Variants in PTPN14 observed in about 807,000 individuals in gnomAD.
PTPN14 encodes the protein tyrosine-protein phosphatase non-receptor type 14.
A neutral mutation model predicts 126.8 loss-of-function variants in PTPN14; 53 were observed. That is an observed-to-expected ratio of 0.42 (90% CI 0.34 to 0.53). The LOEUF (loss-of-function observed/expected upper bound fraction) is 0.53, where lower values mean the gene tolerates loss of function less well. Among genes scored for constraint, PTPN14 ranks in the 20% least tolerant of loss-of-function variants. PTPN14 has a pLI of 0.08. For missense variants in PTPN14, 1,257 were observed against 1,552.9 expected (o/e 0.81, Z 3.20); for synonymous variants, 630 against 599.3 (o/e 1.05, Z -0.75).
intron 3 of PTPN14, among the ~76,000 whole-genome samples, chr1:214,443,578 G>A (rs1660080095): frequency 6.6e-6 from 1 of 152,014 alleles, no homozygotes; most frequent in Non-Finnish European, 1.5e-5. Context: ...AACAAGCAGA[G>A]GTGAACGAAC....
chr1:214,533,024 C>G, intron 1 of PTPN14: 1 of 751,820 alleles, frequency 1.3e-6, no homozygotes, highest in Admixed American at 1.7e-5. Flanking sequence ...ACAGTGGTCA[C>G]CACCCAGTCC....
chr1:214,523,631 A>G (rs995580928), intron 1 of PTPN14, among the ~76,000 whole-genome samples: 4 of 152,120 alleles, frequency 2.6e-5, no homozygotes, highest in African/African-American at 9.7e-5. Flanking sequence ...TTGTTAAGCA[A>G]CCACAGATTT....
At chr1:214,380,878 C>G (rs1322355197) in intron 13 of PTPN14, among the ~76,000 whole-genome samples, 1 of 152,156 alleles carries the variant, frequency 6.6e-6, no homozygotes, top group African/African-American at 2.4e-5. Flanking sequence ...TTGTCACCAC[C>G]TTGCCTGGCC....
chr1:214,480,510 A>C (rs1660961484), intron 1 of PTPN14, among the ~76,000 whole-genome samples: 1 of 152,206 alleles, frequency 6.6e-6, no homozygotes, highest in Non-Finnish European at 1.5e-5. Context: ...TGTGACAGGA[A>C]GTCTAAGAAG....
In PTPN14 at chr1:214,372,780, CGT is replaced by C; in HGVS notation, c.2965_2966del (p.Thr989ValfsTer87). The C allele has an allele frequency of 1.9e-6, 3 of 1,614,156 alleles. No individual in the cohort carries two copies. The highest frequency in any genetic ancestry group is 2.5e-6 in the Non-Finnish European group (3 of 1,180,030). ...ACACCATCTGCCAGAAGTCGTGGCA[CGT>C]GTGTGGCAGGGGCCCCTGGGTGGCT... is the stretch of plus-strand genomic sequence containing the variant. The part of the protein sequence containing the change: ...YIATQGPLPH[T>X]CHDFWQMVWE... On this transcript the variant is annotated frameshift_variant, in exon 16 of 19. Coordinates refer to ENST00000366956, the MANE Select transcript of PTPN14 (RefSeq NM_005401.5). LOFTEE classifies it high-confidence loss of function.
chr1:214,434,337 C>G (rs1326095433), intron 3 of PTPN14, among the ~76,000 whole-genome samples: 1 of 152,088 alleles, frequency 6.6e-6, no homozygotes, highest in Non-Finnish European at 1.5e-5. Context: ...CTCTCCATGT[C>G]TAACGTTGTC....
At chr1:214,502,652 C>T (rs1302347308) in intron 1 of PTPN14, among the ~76,000 whole-genome samples, 1 of 151,962 alleles carries the variant, frequency 6.6e-6, no homozygotes, top group East Asian at 1.9e-4. Flanking sequence ...AGCCACTGTG[C>T]GAGGCCAACT....
chr1:214,529,091 C>T (rs1029162665), intron 1 of PTPN14: 2 of 152,014 alleles, frequency 1.3e-5, no homozygotes, highest in African/African-American at 2.4e-5. Context: ...TTACTTGAAG[C>T]CAGGAGTTTG....
intron 1 of PTPN14, among the ~76,000 whole-genome samples, chr1:214,520,242 G>A (rs776079397): frequency 1.2e-4 from 18 of 151,578 alleles, no homozygotes; most frequent in Non-Finnish European, 2.1e-4. Flanking sequence ...GGTTATGAAC[G>A]TCTTATCCAA....
intron 3 of PTPN14, among the ~76,000 whole-genome samples, chr1:214,445,891 C>A (rs1660132666): frequency 1.3e-5 from 2 of 152,240 alleles, no homozygotes; most frequent in East Asian, 3.9e-4. Context: ...TTATAATGAG[C>A]CTGTTGCTAT....
intron 3 of PTPN14, among the ~76,000 whole-genome samples, chr1:214,420,820 G>A (rs17022887): frequency 0.012 from 1,860 of 152,284 alleles, 48 homozygotes; most frequent in African/African-American, 0.042. Context: ...CATTTAAAAG[G>A]GCCCGACATG....
At chr1:214,534,787 T>C (rs2102475397) in intron 1 of PTPN14, among the ~76,000 whole-genome samples, 1 of 152,034 alleles carries the variant, frequency 6.6e-6, no homozygotes, top group Non-Finnish European at 1.5e-5. Flanking sequence ...TCCTATAAGA[T>C]ATCCCATCCA....
rs1416210154 is a variant in PTPN14 at position 214,352,314 on chromosome 1, G to A, written c.*5608C>T. 1 of 152,168 alleles carries A rather than the reference G, an allele frequency of 6.6e-6. No individual in the cohort carries two copies. The highest frequency in any genetic ancestry group is 1.5e-5 in the Non-Finnish European group (1 of 68,032). The allele number at this position is 152,168 out of a possible 1,614,324, so 9.4% of individuals were successfully genotyped here. Reference sequence around the variant, plus strand: ...AGATGCAGCTATATTAAGCTGAAAAGATAAGAAAGGTAGTCTACTGAATAA... The same window carrying A: ...AGATGCAGCTATATTAAGCTGAAAAAATAAGAAAGGTAGTCTACTGAATAA... On this transcript the variant is annotated 3_prime_UTR_variant, in exon 19 of 19. Transcript: ENST00000366956.
At chr1:214,543,437 A>G (rs1655890885) in intron 1 of PTPN14, among the ~76,000 whole-genome samples, 1 of 152,236 alleles carries the variant, frequency 6.6e-6, no homozygotes, top group South Asian at 2.1e-4. Context: ...CCTCAAATGA[A>G]CAAAGATAAT....
chr1:214,498,641 T>G (rs1017783973), intron 1 of PTPN14, among the ~76,000 whole-genome samples: 7 of 152,160 alleles, frequency 4.6e-5, no homozygotes, highest in Non-Finnish European at 7.4e-5. Flanking sequence ...TTAAAAATTC[T>G]CAATTTCCCA....
chr1:214,484,845 G>C (rs1031618880), intron 1 of PTPN14, among the ~76,000 whole-genome samples: 1 of 152,310 alleles, frequency 6.6e-6, no homozygotes. Context: ...GCAAAAGTGC[G>C]AGGTGCTGAG....
At chr1:214,495,767 T>C (rs1278268475) in intron 1 of PTPN14, among the ~76,000 whole-genome samples, 1 of 152,170 alleles carries the variant, frequency 6.6e-6, no homozygotes, top group African/African-American at 2.4e-5. Flanking sequence ...CGATCTCAGC[T>C]CACCGCAACC....
At position 214,466,822 on chromosome 1, in the gene PTPN14, C is replaced by T. The variant is rs1167331652; in HGVS notation, c.-154-1865G>A. Reference sequence around the variant, plus strand: ...CACTTGGATGTACAAATAGGAATAGCTACTACTTGTAGGAATTCTTAAAGT... The same window carrying T: ...CACTTGGATGTACAAATAGGAATAGTTACTACTTGTAGGAATTCTTAAAGT... On this transcript the variant is annotated intron_variant, in intron 1 of 18. Transcript: ENST00000366956. Among the ~76,000 whole-genome samples, 7 of 152,254 alleles carry T rather than the reference C, an allele frequency of 4.6e-5. No homozygotes were observed. In the East Asian group the frequency reaches 1.4e-3, roughly 29 times the overall value.
In PTPN14 at chr1:214,498,939, G is replaced by A. The variant is rs114901318; in HGVS notation, c.-154-33982C>T. 9.4e-3 allele frequency among the ~76,000 whole-genome samples: 1,430 copies of A among 152,116 alleles called. 19 individuals carry two copies. Among genetic ancestry groups the A allele is most frequent in the African/African-American group, 0.033 (1,352 of 41,488 alleles). Reference sequence around the variant, plus strand: ...TCCTCCCACTTCAGCCTCCTGAAAAGCTACGACTACAGGTATGCGCCACCA... The same window carrying A: ...TCCTCCCACTTCAGCCTCCTGAAAAACTACGACTACAGGTATGCGCCACCA... On this transcript the variant is annotated intron_variant, in intron 1 of 18. Transcript: ENST00000366956.
Sources: gnomAD v4.1 joint callset for allele counts (sites outside exome capture counted in the v4.1 genomes callset) on GRCh38, gnomAD v4.1.1 for gene constraint, MANE v1.5 for transcripts, NCBI Gene and HGNC (gene_info 2026-07-23, HGNC 2026-07-21) for gene names.